Variants in GGCX observed in about 807,000 individuals in gnomAD.
GGCX encodes the protein vitamin K-dependent gamma-carboxylase.
A neutral mutation model predicts 88.5 loss-of-function variants in GGCX; 63 were observed. The ratio of observed to expected loss-of-function variants is 0.71; its 90% CI spans 0.58 to 0.88. The LOEUF (loss-of-function observed/expected upper bound fraction) is 0.88, where lower values mean the gene tolerates loss of function less well. GGCX is among the 40% of genes least tolerant of loss of function. The pLI, the probability that GGCX is intolerant of heterozygous loss-of-function variation, is 0.00. For missense variants in GGCX, 805 were observed against 932.9 expected (o/e 0.86, Z 1.79); for synonymous variants, 368 against 365.8 (o/e 1.01, Z -0.07).
Position 85,550,054 on chromosome 2 carries a change from CT to C in GGCX, c.2156del (p.Glu719GlyfsTer2). 6.2e-7 allele frequency: 1 copy of C among 1,612,640 alleles called. No individual in the cohort carries two copies. ...GRPSLEQLAQEVTYANLRPFE... is the reference protein window; with the variant it reads ...GRPSLEQLAQXVTYANLRPFE... Reference sequence around the variant, plus strand: ...AGGGTCTCAAGTTTGCATAAGTCACCTCCTGGGCCAGCTGCTCCAGGGAAGG... The same window carrying C: ...AGGGTCTCAAGTTTGCATAAGTCACCCCTGGGCCAGCTGCTCCAGGGAAGG... On this transcript the variant is annotated frameshift_variant, in exon 15 of 15. Coordinates refer to ENST00000233838, the MANE Select transcript of GGCX (RefSeq NM_000821.7). LOFTEE classifies it low-confidence loss of function (END_TRUNC).
chr2:85,553,451 G>T lies in GGCX; in HGVS notation c.936C>A (p.Ser312=). Residue 312 remains serine (S), a synonymous_variant, in exon 8 of 15, where the codon TCC becomes TCA. Transcript: ENST00000233838. The part of the protein sequence containing the change: ...VMLASSPLFC[S]PEWPRKLVSY... Reference sequence around the variant, plus strand: ...ACACCAGCTTCCGAGGCCACTCAGGGGAGCAGAAGAGAGGGCTGCTGGCCA... The same window carrying T: ...ACACCAGCTTCCGAGGCCACTCAGGTGAGCAGAAGAGAGGGCTGCTGGCCA... The T allele has an allele frequency of 6.2e-7, 1 of 1,613,946 alleles. No individual in the cohort carries two copies. The highest frequency in any genetic ancestry group is 8.5e-7 in the Non-Finnish European group (1 of 1,179,976).
intron 9 of GGCX, 152 bp from the exon 10 acceptor site, chr2:85,552,719 G>A: frequency 1.0e-6 from 1 of 972,594 alleles, no homozygotes. Context: ...TTTCATTGTT[G>A]GGCTAGTGGT....
chr2:85,560,723 GA>G, intron 2 of GGCX, 91 bp downstream of exon 2: 1 of 988,078 alleles, frequency 1.0e-6, no homozygotes, highest in Non-Finnish European at 1.6e-6. Flanking sequence ...CAGCTCTGAG[GA>G]AAAGGGAGCT....
At position 85,553,054 on chromosome 2, in the gene GGCX, G is replaced by T. The variant is rs763053468; in HGVS notation, c.1172C>A (p.Thr391Lys). 3.1e-6 allele frequency: 5 copies of T among 1,614,152 alleles called. No individual in the cohort carries two copies. In the East Asian group the frequency reaches 8.9e-5, roughly 29 times the overall value. ...CCAGGAATAGCCATACAGCCCATTT[G>T]TCCAGTTGTTATAGCCCTGGGAAGG... ...HFLTQGYNNW[T>K]NGLYGYSWDM... The change falls in exon 9 of 15, where the codon ACA (threonine) becomes AAA (lysine). Residue 391 changes from threonine (T) to lysine (K), a missense_variant. Thr to Lys is a moderately conservative substitution (Grantham distance 78, BLOSUM62 -1). Coordinates refer to ENST00000233838, the MANE Select transcript of GGCX (RefSeq NM_000821.7).
intron 2 of GGCX, among the ~76,000 whole-genome samples, chr2:85,560,438 C>CA (rs542904947): frequency 0.018 from 2,778 of 151,476 alleles, 37 homozygotes; most frequent in Middle Eastern, 0.034. Flanking sequence ...AACACACATA[C>CA]AAAAAAAATA....
chr2:85,552,149 TG>T (rs1558806517), intron 10 of GGCX, among the ~76,000 whole-genome samples, 168 bp from the exon 11 acceptor site: 1 of 152,210 alleles, frequency 6.6e-6, no homozygotes, highest in Non-Finnish European at 1.5e-5. Context: ...AGAAGAGATC[TG>T]GAGCACTGGG....
At position 85,546,701 on chromosome 2, in the gene GGCX, C is replaced by T. The variant is rs552794069; in HGVS notation, c.*3233G>A. ...CCTGGGCCAGAGCAAGGTTCCTTCT[C>T]AAAAAACTTGGAAATCTGTTGGGAA... On this transcript the variant is annotated 3_prime_UTR_variant, in exon 15 of 15. Coordinates refer to ENST00000233838, the MANE Select transcript of GGCX (RefSeq NM_000821.7). 3.3e-4 allele frequency: 51 copies of T among 152,306 alleles called. No individual in the cohort carries two copies. Among genetic ancestry groups the T allele is most frequent in the African/African-American group, 1.2e-3 (49 of 41,552 alleles). The allele number at this position is 152,306 out of a possible 1,614,324, so 9.4% of individuals were successfully genotyped here. A position where few individuals can be genotyped will look rare whatever the true frequency, so the allele number is the denominator to read the frequency against.
chr2:85,554,483 T>TGTC (rs2103971010), intron 6 of GGCX, 177 bp from the exon 7 acceptor site: 1 of 662,922 alleles, frequency 1.5e-6, no homozygotes. Context: ...TTGTTGTTGT[T>TGTC]GAAACGAAGT....
Position 85,546,345 on chromosome 2 carries a change from C to T in GGCX, c.*3589G>A, listed in dbSNP as rs550250645. 1 of 152,106 alleles carries T rather than the reference C, an allele frequency of 6.6e-6. No individual in the cohort carries two copies. The highest frequency in any genetic ancestry group is 2.4e-5 in the African/African-American group (1 of 41,420). The allele number at this position is 152,106 out of a possible 1,614,324, so 9.4% of individuals were successfully genotyped here. On this transcript the variant is annotated 3_prime_UTR_variant, in exon 15 of 15. Coordinates refer to ENST00000233838, the MANE Select transcript of GGCX (RefSeq NM_000821.7). ...GGCCGAGGCAGGAGAATGGCGTGAA[C>T]CCGGGAGGTGGAGCTTGCAGTGAGC...
chr2:85,546,083 GTGCT>G lies in GGCX; in HGVS notation c.*3847_*3850del, dbSNP rs1691647648. On this transcript the variant is annotated 3_prime_UTR_variant, in exon 15 of 15. Transcript: ENST00000233838. ...TGTCCTGCAAATGTAGAGCCAAGGA[GTGCT>G]TGCTTATGCCTGTTTGCATGGAGAC... The G allele has an allele frequency of 6.6e-6, 1 of 152,220 alleles. No homozygotes were observed. Among genetic ancestry groups the G allele is most frequent in the South Asian group, 2.1e-4 (1 of 4,832 alleles). The allele number at this position is 152,220 out of a possible 1,614,324, so 9.4% of individuals were successfully genotyped here. A position where few individuals can be genotyped will look rare whatever the true frequency, so the allele number is the denominator to read the frequency against.
chr2:85,560,632 C>T (rs1692399742), intron 2 of GGCX, among the ~76,000 whole-genome samples, 183 bp downstream of exon 2: 1 of 151,862 alleles, frequency 6.6e-6, no homozygotes. Flanking sequence ...TTTCTGGCCA[C>T]CAAGTAAATC....
intron 2 of GGCX, 132 bp from the exon 3 acceptor site, chr2:85,559,207 G>A: frequency 1.3e-6 from 1 of 781,850 alleles, no homozygotes; most frequent in Non-Finnish European, 2.2e-6. Context: ...CATTTATTCA[G>A]TATTAATTAT....
At chr2:85,552,323 T>G in intron 10 of GGCX, 93 bp downstream of exon 10, 1 of 1,290,204 alleles carries the variant, frequency 7.8e-7, no homozygotes, top group Non-Finnish European at 1.1e-6. Context: ...AGGACAGCTT[T>G]TTAAGCAAGA....
chr2:85,549,182 G>A lies in GGCX; in HGVS notation c.*752C>T, dbSNP rs2103945923. 1 of 152,370 alleles carries A rather than the reference G, an allele frequency of 6.6e-6. No individual in the cohort carries two copies. The highest frequency in any genetic ancestry group is 2.1e-4 in the South Asian group (1 of 4,832). The allele number at this position is 152,370 out of a possible 1,614,324, so 9.4% of individuals were successfully genotyped here. A position where few individuals can be genotyped will look rare whatever the true frequency, so the allele number is the denominator to read the frequency against. On this transcript the variant is annotated 3_prime_UTR_variant, in exon 15 of 15. Transcript: ENST00000233838. ...AGGGTGCAGGACCTTAAGTCAAATAGACGTTAAGTTCAAACCATCAGTCCA... is the reference window on the plus strand; with the variant it reads ...AGGGTGCAGGACCTTAAGTCAAATAAACGTTAAGTTCAAACCATCAGTCCA...
chr2:85,551,229 C>T (rs1049875270), intron 12 of GGCX, among the ~76,000 whole-genome samples, 157 bp from the exon 13 acceptor site: 6 of 152,230 alleles, frequency 3.9e-5, no homozygotes, highest in Non-Finnish European at 7.4e-5. Flanking sequence ...TTCACAGTCC[C>T]AGGGGCCCTT....
chr2:85,544,855 G>C lies in GGCX; in HGVS notation c.*5079C>G, dbSNP rs371101314. 6.6e-6 allele frequency: 1 copy of C among 152,546 alleles called. No homozygotes were observed. The highest frequency in any genetic ancestry group is 2.4e-5 in the African/African-American group (1 of 41,412). 9.4% of individuals were successfully genotyped at this position (152,546 alleles called of 1,614,324 possible). ...GGAGGAAATCCCTTCATACTTGAAC[G>C]TTTTCTAATTGCTTATTTATTGTAT... is the stretch of plus-strand genomic sequence containing the variant. On this transcript the variant is annotated 3_prime_UTR_variant, in exon 15 of 15. Transcript: ENST00000233838.
chr2:85,560,773 C>T (rs766141497), intron 2 of GGCX, 42 bp downstream of exon 2: 2 of 1,481,274 alleles, frequency 1.4e-6, no homozygotes, highest in South Asian at 2.3e-5. Flanking sequence ...TTGTCATTCT[C>T]CACTCTCAAC....
rs1254896 is a variant in GGCX, at chr2:85,554,195, G to A, written c.837C>T (p.Gly279=). Residue 279 remains glycine, a synonymous_variant, in exon 7 of 15, where the codon GGC becomes GGT. Coordinates refer to ENST00000233838, the MANE Select transcript of GGCX (RefSeq NM_000821.7). ...LLFFDVSRSI[G]LFFVSYFHCM... is the part of the protein sequence containing the mutation. ...AGTGGAAGTAGGACACAAAGAACAG[G>A]CCAATGGATCTTGAGACATCAAAAA... is the stretch of plus-strand genomic sequence containing the variant. 2 of 1,612,650 alleles carry A rather than the reference G, an allele frequency of 1.2e-6. No individual in the cohort carries two copies. The highest frequency in any genetic ancestry group is 1.7e-6 in the Non-Finnish European group (2 of 1,178,698).
In GGCX at chr2:85,549,034, G is replaced by A. The variant is rs1032584549; in HGVS notation, c.*900C>T. On this transcript the variant is annotated 3_prime_UTR_variant, in exon 15 of 15. Coordinates refer to ENST00000233838, the MANE Select transcript of GGCX (RefSeq NM_000821.7). ...ACAAAGAAGGAACCAAAATTGCAAT[G>A]AAGATAAATTACTTTGTGTGCATTT... is the stretch of plus-strand genomic sequence containing the variant. The A allele has an allele frequency of 6.6e-6, 1 of 152,194 alleles. No homozygotes were observed. Among genetic ancestry groups the A allele is most frequent in the Non-Finnish European group, 1.5e-5 (1 of 68,034 alleles). The allele number at this position is 152,194 out of a possible 1,614,324, so 9.4% of individuals were successfully genotyped here.
Sources: gnomAD v4.1 joint callset for allele counts (sites outside exome capture counted in the v4.1 genomes callset) on GRCh38, gnomAD v4.1.1 for gene constraint, MANE v1.5 for transcripts, NCBI Gene and HGNC (gene_info 2026-07-23, HGNC 2026-07-21) for gene names.